The following FOXK2 variants were observed in gnomAD, a reference collection of about 807,000 sequenced individuals.
FOXK2 encodes forkhead box protein K2.
FOXK2 carries 24 observed loss-of-function variants against 53.3 expected under a neutral mutation model. The observed-to-expected ratio is 0.45, with a 90% CI of 0.33 to 0.63. The LOEUF (loss-of-function observed/expected upper bound fraction) is 0.63, where lower values mean the gene tolerates loss of function less well. Ranked by LOEUF, FOXK2 falls within the 30% of genes least tolerant of loss-of-function variation. The pLI, the probability that FOXK2 is intolerant of heterozygous loss-of-function variation, is 0.03. For synonymous variants in FOXK2, 505 were observed against 407.1 expected (o/e 1.24, Z -2.89); for missense variants, 952 against 910.5 (o/e 1.05, Z -0.59).
intron 1 of FOXK2, among the ~76,000 whole-genome samples, chr17:82,524,877 G>A (rs887907636): frequency 3.3e-5 from 5 of 152,144 alleles, no homozygotes; most frequent in Non-Finnish European, 5.9e-5. Flanking sequence ...CAGGCTGGAA[G>A]AGACTTTGGA....
intron 8 of FOXK2, among the ~76,000 whole-genome samples, chr17:82,597,474 C>T (rs1279143294): frequency 6.6e-6 from 1 of 152,160 alleles, no homozygotes; most frequent in East Asian, 1.9e-4. Context: ...CTTGCGTGCC[C>T]TCCACCTCCC....
intron 1 of FOXK2, among the ~76,000 whole-genome samples, chr17:82,561,560 AC>A (rs969624214): frequency 4.9e-4 from 75 of 152,090 alleles, no homozygotes; most frequent in African/African-American, 1.7e-3. Context: ...GGAGGTGGCC[AC>A]TCTGTGAGGG....
rs1211144135 is a variant in FOXK2 at position 82,604,417 on chromosome 17, G to GGGGGGT, written c.*2924_*2929dup. 6.6e-6 allele frequency: 1 copy of GGGGGGT among 152,602 alleles called. No homozygotes were observed. Among genetic ancestry groups the GGGGGGT allele is most frequent in the Non-Finnish European group, 1.5e-5 (1 of 68,052 alleles). 9.5% of individuals were successfully genotyped at this position (152,602 alleles called of 1,614,324 possible). The stretch of plus-strand genomic sequence containing the variant: ...GAGTAGTTGGTAGTCATGGCCAGAA[G>GGGGGGT]GGGGGTGGGGGCAGTGTGAGGACTT... On this transcript the variant is annotated 3_prime_UTR_variant, in exon 9 of 9. Coordinates refer to ENST00000335255, the MANE Select transcript of FOXK2 (RefSeq NM_004514.4).
chr17:82,582,698 C>A, intron 4 of FOXK2, 43 bp from the exon 5 acceptor site: 3 of 1,467,140 alleles, frequency 2.0e-6, no homozygotes, highest in South Asian at 2.6e-5. Context: ...TATTTCTCAG[C>A]AAATAAATAT....
chr17:82,598,683 C>G (rs1330778607), intron 8 of FOXK2, among the ~76,000 whole-genome samples: 1 of 152,232 alleles, frequency 6.6e-6, no homozygotes, highest in Non-Finnish European at 1.5e-5. Context: ...GAGGGCAAAG[C>G]CTTCATGGTC....
intron 1 of FOXK2, among the ~76,000 whole-genome samples, chr17:82,521,883 G>A (rs915101580): frequency 1.6e-4 from 24 of 151,260 alleles, no homozygotes; most frequent in Non-Finnish European, 3.2e-4. Context: ...CTTGCAGCCA[G>A]CGAGATCGCA....
At chr17:82,580,986 G>C (rs982602783) in intron 4 of FOXK2, among the ~76,000 whole-genome samples, 3 of 152,248 alleles carry the variant, frequency 2.0e-5, no homozygotes, top group African/African-American at 7.2e-5. Flanking sequence ...GATGGCACTT[G>C]GACAACCCCT....
At chr17:82,528,929 G>A (rs72861012) in intron 1 of FOXK2, among the ~76,000 whole-genome samples, 27,256 of 152,188 alleles carry the variant, frequency 0.18, 2,805 homozygotes, top group Non-Finnish European at 0.24. Context: ...TCCCTGGGAC[G>A]TATGACAGTG....
chr17:82,520,408 G>A (rs1302766198), intron 1 of FOXK2, 101 bp downstream of exon 1: 1 of 1,025,908 alleles, frequency 9.7e-7, no homozygotes, highest in South Asian at 4.9e-5. Context: ...CACGAGCGGG[G>A]GCCCGACTCT....
At chr17:82,582,048 G>A (rs1288413460) in intron 4 of FOXK2, among the ~76,000 whole-genome samples, 2 of 152,060 alleles carry the variant, frequency 1.3e-5, no homozygotes, top group East Asian at 3.8e-4. Context: ...TTTTTTGCTG[G>A]TTTACCAAAT....
chr17:82,564,118 T>G (rs866130438), intron 2 of FOXK2, among the ~76,000 whole-genome samples: 1 of 136,578 alleles, frequency 7.3e-6, no homozygotes, highest in African/African-American at 2.7e-5. Flanking sequence ...GATGGAGTTT[T>G]GCACTGTTCC....
intron 8 of FOXK2, 35 bp downstream of exon 8, chr17:82,587,307 T>C: frequency 6.5e-7 from 1 of 1,533,026 alleles, no homozygotes; most frequent in Non-Finnish European, 9.0e-7. Flanking sequence ...CCCGTGGCTG[T>C]GGGTACTGGG....
intron 4 of FOXK2, among the ~76,000 whole-genome samples, chr17:82,577,810 T>C (rs2045007589): frequency 6.6e-6 from 1 of 152,166 alleles, no homozygotes; most frequent in Non-Finnish European, 1.5e-5. Flanking sequence ...CGATCTCAGC[T>C]CACTGCAACC....
intron 1 of FOXK2, among the ~76,000 whole-genome samples, chr17:82,537,917 CAAAAAA>C (rs568515827): frequency 1.5e-5 from 1 of 67,524 alleles, no homozygotes; most frequent in African/African-American, 5.7e-5. Context: ...ACTCTGTCTC[CAAAAAA>C]AAAAAAAAAA....
At chr17:82,525,964 T>G (rs370437023) in intron 1 of FOXK2, among the ~76,000 whole-genome samples, 1 of 151,848 alleles carries the variant, frequency 6.6e-6, no homozygotes, top group Non-Finnish European at 1.5e-5. Context: ...TACTTTCTTA[T>G]GTGGCCTGAA....
chr17:82,537,375 C>T (rs566625651), intron 1 of FOXK2, among the ~76,000 whole-genome samples: 71 of 152,022 alleles, frequency 4.7e-4, no homozygotes, highest in Non-Finnish European at 8.4e-4. Context: ...CGGGCGGGCA[C>T]GGTGGCTCAC....
intron 1 of FOXK2, among the ~76,000 whole-genome samples, chr17:82,534,394 G>C (rs1200777319): frequency 1.3e-5 from 2 of 152,158 alleles, no homozygotes; most frequent in South Asian, 4.1e-4. Flanking sequence ...TAGTTGTTGC[G>C]GCTCTAATAT....
In FOXK2 at chr17:82,587,216, A is replaced by C; in HGVS notation, c.1730A>C (p.Gln577Pro). Reference protein sequence around the residue: ...QHQLPIKTVTQNGTHVASVPT... With the variant: ...QHQLPIKTVTPNGTHVASVPT... ...CAGCTACCAATAAAAACTGTAACAC[A>C]AAACGGCACTCACGTGGCATCAGTC... The change falls in exon 8 of 9, where the codon CAA becomes CCA. Residue 577 changes from glutamine to proline, a missense_variant. Transcript: ENST00000335255. The C allele has an allele frequency of 6.2e-7, 1 of 1,613,132 alleles. No homozygotes were observed.
intron 8 of FOXK2, chr17:82,593,584 C>T (rs2045278813): frequency 1.3e-5 from 2 of 152,422 alleles, no homozygotes; most frequent in Admixed American, 1.3e-4. Flanking sequence ...CCCGGCCCCA[C>T]AGAGGAATTA....
Sources: allele counts gnomAD v4.1 joint callset (sites outside exome capture counted in the v4.1 genomes callset), GRCh38; gene constraint gnomAD v4.1.1; transcripts MANE v1.5; gene names NCBI Gene and HGNC (gene_info 2026-07-23, HGNC 2026-07-21).